The following E2F3 variants were observed in gnomAD, a reference collection of about 807,000 sequenced individuals.
The protein encoded by E2F3 is E2F transcription factor 3, also known as transcription factor E2F3.
Under a neutral mutation model 44.4 loss-of-function variants are expected in E2F3, and 11 were observed. The observed-to-expected ratio is 0.25, with a 90% CI of 0.16 to 0.41. E2F3 has a LOEUF of 0.41. Ranked by LOEUF, E2F3 falls within the 10% of genes least tolerant of loss-of-function variation. The pLI, the probability that E2F3 is intolerant of heterozygous loss-of-function variation, is 1.00. For synonymous variants in E2F3, 249 were observed against 253.0 expected, an observed-to-expected ratio of 0.98 and a Z score of 0.15; for missense variants, 487 against 583.6, an observed-to-expected ratio of 0.83 and a Z score of 1.70.
rs754037998 is a variant in E2F3 at position 20,403,840 on chromosome 6, A to C, written c.393+1215A>C. On this transcript the variant is annotated intron_variant, in intron 1 of 6. Coordinates refer to ENST00000346618, the MANE Select transcript of E2F3 (RefSeq NM_001949.5). ...ATGCCCTTACAGCAGCAGGTTAGTGACCGGGACGGCTCGGGGGCCGCCGAC... is the reference window on the plus strand; with the variant it reads ...ATGCCCTTACAGCAGCAGGTTAGTGCCCGGGACGGCTCGGGGGCCGCCGAC... 8 of 1,479,336 alleles carry C rather than the reference A, an allele frequency of 5.4e-6. No individual in the cohort carries two copies. The Middle Eastern group carries it at 5.1e-4, about 95-fold the overall frequency. 91.6% of individuals were successfully genotyped at this position (1,479,336 alleles called of 1,614,324 possible).
intron 1 of E2F3, among the ~76,000 whole-genome samples, chr6:20,462,536 C>T (rs1003096992): frequency 6.6e-6 from 1 of 151,458 alleles, no homozygotes; most frequent in Non-Finnish European, 1.5e-5. Context: ...TGGCTCACTG[C>T]AACCTCCATC....
chr6:20,442,089 C>T (rs1409555476), intron 1 of E2F3, among the ~76,000 whole-genome samples: 7 of 151,886 alleles, frequency 4.6e-5, no homozygotes, highest in Non-Finnish European at 8.8e-5. Flanking sequence ...AGTCTGCCTG[C>T]CCCTTTGGTG....
chr6:20,453,715 T>A (rs540910505), intron 1 of E2F3, among the ~76,000 whole-genome samples: 7 of 152,344 alleles, frequency 4.6e-5, no homozygotes, highest in African/African-American at 1.7e-4. Flanking sequence ...GACTCAACTT[T>A]ATTTTTTGTA....
rs1238982037 is a variant in E2F3, at chr6:20,402,026, C to A, written c.-207C>A. The A allele has an allele frequency of 4.0e-5, 33 of 826,860 alleles. No individual in the cohort carries two copies. Among genetic ancestry groups the A allele is most frequent in the Non-Finnish European group, 5.4e-5 (32 of 595,166 alleles). The allele number at this position is 826,860 out of a possible 1,614,324, so 51.2% of individuals were successfully genotyped here. A position where few individuals can be genotyped will look rare whatever the true frequency, so the allele number is the denominator to read the frequency against. On this transcript the variant is annotated 5_prime_UTR_variant, in exon 1 of 7. Coordinates refer to ENST00000346618, the MANE Select transcript of E2F3 (RefSeq NM_001949.5). The surrounding 1 kb of genome is among the most constrained non-coding windows in gnomAD (Gnocchi z 5.6). ...GGCCCGATATCCGTGCGGCCGGGAC[C>A]CTCCTCTCTCCAGAGCCCCGATTAT...
At chr6:20,456,983 G>A (rs1268957420) in intron 1 of E2F3, among the ~76,000 whole-genome samples, 1 of 152,178 alleles carries the variant, frequency 6.6e-6, no homozygotes, top group Non-Finnish European at 1.5e-5. Flanking sequence ...TTTGCCCACA[G>A]GTGAGGTTTC....
At chr6:20,451,858 A>G (rs1339517028) in intron 1 of E2F3, among the ~76,000 whole-genome samples, 1 of 152,234 alleles carries the variant, frequency 6.6e-6, no homozygotes, top group Non-Finnish European at 1.5e-5. Flanking sequence ...GATGAATCAC[A>G]TTTATTGCTT....
intron 1 of E2F3, among the ~76,000 whole-genome samples, chr6:20,470,427 C>G (rs1453786103): frequency 6.6e-6 from 1 of 152,194 alleles, no homozygotes; most frequent in Non-Finnish European, 1.5e-5. Flanking sequence ...TGAGTTAATA[C>G]ATAGTTACAG....
intron 1 of E2F3, among the ~76,000 whole-genome samples, chr6:20,426,871 TAACTGTAG>T (rs1480507968): frequency 6.6e-6 from 1 of 152,230 alleles, no homozygotes; most frequent in Non-Finnish European, 1.5e-5. Context: ...CTGTCCACTG[TAACTGTAG>T]CTCCACTGTG....
chr6:20,473,997 T>C (rs925774572), intron 1 of E2F3, among the ~76,000 whole-genome samples: 2 of 152,056 alleles, frequency 1.3e-5, no homozygotes, highest in African/African-American at 2.4e-5. Context: ...TCAGTAGAGC[T>C]CCTTCCCCAG....
At chr6:20,406,116 C>A (rs1466906731) in intron 1 of E2F3, among the ~76,000 whole-genome samples, 4 of 152,108 alleles carry the variant, frequency 2.6e-5, no homozygotes, top group African/African-American at 9.7e-5. Context: ...TGGTTCTGAT[C>A]CCAAGTTCTG....
At chr6:20,470,116 C>G (rs367885350) in intron 1 of E2F3, among the ~76,000 whole-genome samples, 15 of 152,170 alleles carry the variant, frequency 9.9e-5, no homozygotes, top group African/African-American at 3.4e-4. Context: ...CATTCAACTC[C>G]TCTGACTTCA....
At position 20,405,329 on chromosome 6, in the gene E2F3, T is replaced by C. The variant is rs1759456082; in HGVS notation, c.393+2704T>C. Among the ~76,000 whole-genome samples the C allele has an allele frequency of 2.0e-5, 3 of 149,544 alleles. No individual in the cohort carries two copies. The South Asian group carries it at 6.3e-4, about 31-fold the overall frequency. On this transcript the variant is annotated intron_variant, in intron 1 of 6. Coordinates refer to ENST00000346618, the MANE Select transcript of E2F3 (RefSeq NM_001949.5). The stretch of plus-strand genomic sequence containing the variant: ...TTATATGATTGCAATGTATGCTGAA[T>C]CATTGGTTATCTGCATTTTTTTTTT...
Position 20,411,524 on chromosome 6 carries a change from C to T in E2F3, c.393+8899C>T, listed in dbSNP as rs188505948. 1.2e-3 allele frequency among the ~76,000 whole-genome samples: 179 copies of T among 152,282 alleles called. 1 individual carries two copies. Among genetic ancestry groups the T allele is most frequent in the African/African-American group, 3.6e-3 (149 of 41,550 alleles). On this transcript the variant is annotated intron_variant, in intron 1 of 6. Coordinates refer to ENST00000346618, the MANE Select transcript of E2F3 (RefSeq NM_001949.5). ...CTTCAGTGGCTGCTTCCCGGACTTA[C>T]CAAATTAATTACCACCTTTTCCTGC...
At chr6:20,430,912 C>T (rs569685496) in intron 1 of E2F3, among the ~76,000 whole-genome samples, 2 of 152,258 alleles carry the variant, frequency 1.3e-5, no homozygotes, top group Admixed American at 1.3e-4. Context: ...GTCATCCCAG[C>T]TACTTGGGAG....
At chr6:20,443,650 GAAA>G (rs1226370092) in intron 1 of E2F3, among the ~76,000 whole-genome samples, 2 of 152,138 alleles carry the variant, frequency 1.3e-5, no homozygotes, top group African/African-American at 4.8e-5. Context: ...ACCCATCTCT[GAAA>G]AGAGCAATGC....
chr6:20,490,205 A>T lies in E2F3; in HGVS notation c.1173A>T (p.Ser391=), dbSNP rs1180577572. Residue 391 remains serine (S), a synonymous_variant, in exon 7 of 7, where the codon TCA becomes TCT. Coordinates refer to ENST00000346618, the MANE Select transcript of E2F3 (RefSeq NM_001949.5). The surrounding 1 kb of genome is among the most constrained non-coding windows in gnomAD (Gnocchi z 4.3). ...ASTNSGHSDC[S]VSMGNLSPLA... ...CCAACTCAGGACATAGCGATTGCTCAGTTTCTATGGGAAACCTTTCTCCTC... is the reference window on the plus strand; with the variant it reads ...CCAACTCAGGACATAGCGATTGCTCTGTTTCTATGGGAAACCTTTCTCCTC... The T allele has an allele frequency of 6.2e-7, 1 of 1,613,662 alleles. No individual in the cohort carries two copies. Among genetic ancestry groups the T allele is most frequent in the Admixed American group, 1.7e-5 (1 of 59,936 alleles).
intron 1 of E2F3, among the ~76,000 whole-genome samples, chr6:20,457,291 C>T (rs1383423594): frequency 6.6e-6 from 1 of 151,468 alleles, no homozygotes; most frequent in African/African-American, 2.4e-5. Flanking sequence ...TCTCCCGTCT[C>T]GGCCTCCCAA....
intron 1 of E2F3, among the ~76,000 whole-genome samples, chr6:20,455,413 T>C (rs1415418204): frequency 6.6e-6 from 1 of 152,176 alleles, no homozygotes; most frequent in Non-Finnish European, 1.5e-5. Context: ...CAACCCTCTT[T>C]GGAGACTCTG....
At chr6:20,461,206 T>C (rs528379643) in intron 1 of E2F3, among the ~76,000 whole-genome samples, 1 of 151,936 alleles carries the variant, frequency 6.6e-6, no homozygotes, top group East Asian at 2.0e-4. Flanking sequence ...TAACAATACA[T>C]TTGAAGGTCG....
Sources: gnomAD v4.1 joint callset for allele counts (sites outside exome capture counted in the v4.1 genomes callset) on GRCh38, gnomAD v4.1.1 for gene constraint, Gnocchi (gnomAD v3.1) non-coding constraint, MANE v1.5 for transcripts, NCBI Gene and HGNC (gene_info 2026-07-23, HGNC 2026-07-21) for gene names.